GALNT16: variants seen among roughly 807,000 people sequenced by gnomAD.
GALNT16 encodes UDP-GalNAc:polypeptide N-acetylgalactosaminyltransferase-like protein 1.
A neutral mutation model predicts 76.1 loss-of-function variants in GALNT16; 40 were observed. That is an observed-to-expected ratio of 0.53 (90% confidence interval 0.41 to 0.68). The LOEUF (loss-of-function observed/expected upper bound fraction) is 0.68. Ranked by LOEUF, GALNT16 falls within the 30% of genes least tolerant of loss-of-function variation. The probability of loss-of-function intolerance (pLI) is 0.00; values close to 1 mark genes in which losing one functional copy is unlikely to be tolerated. For synonymous variants in GALNT16, 276 were observed against 285.2 expected, an observed-to-expected ratio of 0.97 and a Z score of 0.32; for missense variants, 621 against 731.9, an observed-to-expected ratio of 0.85 and a Z score of 1.75.
At chr14:69,362,842 G>C in the GALNT16 span, among the ~76,000 whole-genome samples, 401 of 152,336 alleles carry the variant, frequency 2.6e-3, no homozygotes, top group Admixed American at 4.3e-3. Flanking sequence ...TTGCAGCTCA[G>C]ACATGGTGGC....
chr14:69,286,442 T>C (rs989874159), intron 1 of GALNT16, among the ~76,000 whole-genome samples: 3 of 152,100 alleles, frequency 2.0e-5, no homozygotes, highest in Non-Finnish European at 4.4e-5. Flanking sequence ...TAGCTGGGAT[T>C]ACAGGTGCCT....
Position 69,352,970 on chromosome 14 carries a change from G to A in GALNT16, c.*802G>A, listed in dbSNP as rs142495858. On this transcript the variant is annotated 3_prime_UTR_variant, in exon 15 of 15. Transcript: ENST00000448469. ...GGGATCTTTAGGGGAAGATTCGGGC[G>A]TAGTTTATTAAACAGACTCCACTTC... 2.2e-4 allele frequency among the ~76,000 whole-genome samples: 33 copies of A among 152,270 alleles called. No homozygotes were observed. Among genetic ancestry groups the A allele is most frequent in the East Asian group, 9.7e-4 (5 of 5,172 alleles).
At chr14:69,363,596 A>C in the GALNT16 span, among the ~76,000 whole-genome samples, 3 of 152,240 alleles carry the variant, frequency 2.0e-5, no homozygotes, top group Admixed American at 2.0e-4. Flanking sequence ...AAACTGCCCC[A>C]GTTCCTTGAG....
chr14:69,285,131 C>T (rs1566864687), intron 1 of GALNT16, among the ~76,000 whole-genome samples: 1 of 151,146 alleles, frequency 6.6e-6, no homozygotes, highest in Admixed American at 6.6e-5. Context: ...AGCTCCGCCT[C>T]CCGGGTTCAC....
At chr14:69,339,389 C>A in intron 10 of GALNT16, 138 bp from the exon 11 acceptor site, 1 of 688,024 alleles carries the variant, frequency 1.5e-6, no homozygotes, top group South Asian at 1.7e-5. Context: ...AAGGACCGTG[C>A]TAATCTATAC....
At chr14:69,289,181 T>C (rs910451018) in intron 1 of GALNT16, among the ~76,000 whole-genome samples, 1 of 152,178 alleles carries the variant, frequency 6.6e-6, no homozygotes, top group Non-Finnish European at 1.5e-5. Context: ...CCCAGTCAAA[T>C]AGAAGTCTCA....
At chr14:69,345,766 G>T (rs2045554506) in intron 12 of GALNT16, among the ~76,000 whole-genome samples, 1 of 148,692 alleles carries the variant, frequency 6.7e-6, no homozygotes, top group African/African-American at 2.5e-5. Context: ...ATATTTTCCT[G>T]GGCATATAAA....
the GALNT16 span, among the ~76,000 whole-genome samples, chr14:69,367,084 T>C: frequency 6.6e-6 from 1 of 151,790 alleles, no homozygotes; most frequent in Admixed American, 6.6e-5. Flanking sequence ...CATGGAGAGA[T>C]TGTGGGGTGT....
At chr14:69,322,928 GTGTGTGTGTGT>G (rs2045213255) in intron 2 of GALNT16, among the ~76,000 whole-genome samples, 8 of 21,626 alleles carry the variant, frequency 3.7e-4, no homozygotes, top group African/African-American at 3.2e-3. Context: ...CTCACGGGGT[GTGTGTGTGTGT>G]GTGTGTGTGT....
rs368570633 is a variant in GALNT16 at position 69,319,574 on chromosome 14, A to G, written c.178-1137A>G. On this transcript the variant is annotated intron_variant, in intron 1 of 14. Transcript: ENST00000448469. ...ATGATATTTCATGGCACTCTGGAGA[A>G]CATCCAGCCAGCAGTTTGGTTCAAG... Among the ~76,000 whole-genome samples, 48 of 152,374 alleles carry G rather than the reference A, an allele frequency of 3.2e-4. 1 individual carries two copies. The South Asian group carries it at 9.9e-3, about 32-fold the overall frequency.
chr14:69,376,975 A>C, the GALNT16 span, among the ~76,000 whole-genome samples: 2 of 151,964 alleles, frequency 1.3e-5, no homozygotes, highest in Admixed American at 1.3e-4. Context: ...CCTAAGTCTT[A>C]TCTCTTGCAT....
In GALNT16 at chr14:69,352,294, C is replaced by T. The variant is rs1165788382; in HGVS notation, c.*126C>T. On this transcript the variant is annotated 3_prime_UTR_variant, in exon 15 of 15. Transcript: ENST00000448469. ...TTTCTGCCAGGACCATCAGCAAATA[C>T]CCACCATGACACACGTTCTCCAAAG... is the stretch of plus-strand genomic sequence containing the variant. The T allele has an allele frequency of 1.5e-4, 129 of 849,472 alleles. No homozygotes were observed. The East Asian group carries it at 3.3e-3, about 22-fold the overall frequency. The allele number at this position is 849,472 out of a possible 1,614,324, so 52.6% of individuals were successfully genotyped here.
chr14:69,363,334 C>A, the GALNT16 span, among the ~76,000 whole-genome samples: 3 of 152,168 alleles, frequency 2.0e-5, no homozygotes. Flanking sequence ...TGTCGGAAGG[C>A]CCCTTCCCAG....
At chr14:69,295,097 C>T (rs924812581) in intron 1 of GALNT16, among the ~76,000 whole-genome samples, 3 of 152,108 alleles carry the variant, frequency 2.0e-5, no homozygotes, top group Non-Finnish European at 4.4e-5. Context: ...CAATGAACCC[C>T]CACGGGCCCA....
rs35894482 is a variant in GALNT16 at position 69,285,040 on chromosome 14, C to CGT, written c.177+24573_177+24574insGT. 3.0e-4 allele frequency among the ~76,000 whole-genome samples: 38 copies of CGT among 127,474 alleles called. 1 individual carries two copies. The highest frequency in any genetic ancestry group is 3.9e-3 in the Middle Eastern group (1 of 256). The allele number at this position is 127,474 out of a possible 152,430, so 83.6% of individuals were successfully genotyped here. On this transcript the variant is annotated intron_variant, in intron 1 of 14. Transcript: ENST00000448469. ...TATATGTTACCCAGTCTCGGGCACT[C>CGT]TTTTTTTTTTTTTTTTTTGAGACGG...
intron 14 of GALNT16, chr14:69,350,650 C>T (rs1288161400): frequency 6.6e-6 from 1 of 152,452 alleles, no homozygotes; most frequent in Non-Finnish European, 1.5e-5. Context: ...GCACATCCCC[C>T]CGCAGCCCTA....
chr14:69,380,370 G>C, the GALNT16 span: 1 of 436,374 alleles, frequency 2.3e-6, no homozygotes, highest in Non-Finnish European at 4.1e-6. Flanking sequence ...GGAGGTAACG[G>C]GGGTTTCCGA....
the GALNT16 span, chr14:69,380,505 C>G: frequency 1.1e-4 from 101 of 920,624 alleles, no homozygotes; most frequent in Non-Finnish European, 1.6e-4. Context: ...GTGTTCCAAG[C>G]CCACCCCAAC....
intron 1 of GALNT16, among the ~76,000 whole-genome samples, chr14:69,302,441 ATT>A (rs33923892): frequency 0.75 from 113,936 of 151,972 alleles, 43,691 homozygotes; most frequent in East Asian, 1. Flanking sequence ...TTTTAACATG[ATT>A]TTTTTATTTA....
Sources: allele counts gnomAD v4.1 joint callset (sites outside exome capture counted in the v4.1 genomes callset), GRCh38; gene constraint gnomAD v4.1.1; transcripts MANE v1.5; gene names NCBI Gene and HGNC (gene_info 2026-07-23, HGNC 2026-07-21).